FNIP1: variants seen among roughly 807,000 people sequenced by gnomAD.
FNIP1 encodes folliculin interacting protein 1.
In FNIP1, 40 loss-of-function variants were observed where a neutral mutation model predicts 124.5. The observed-to-expected ratio is 0.32, with a 90% confidence interval of 0.25 to 0.42. FNIP1 has a LOEUF of 0.42. Among genes scored for constraint, FNIP1 ranks in the 10% least tolerant of loss-of-function variants. The pLI is 1.00. For missense variants in FNIP1, 1,176 were observed against 1,403.7 expected (o/e 0.84, Z 2.59); for synonymous variants, 472 against 470.6 (o/e 1.00, Z -0.04).
chr5:131,670,667 G>A, intron 14 of FNIP1, 36 bp from the exon 15 acceptor site: 1 of 1,401,856 alleles, frequency 7.1e-7, no homozygotes, highest in South Asian at 1.4e-5. Flanking sequence ...CATTTATTTA[G>A]TAATAAATAT....
At chr5:131,654,292 T>C (rs1561638441) in intron 15 of FNIP1, among the ~76,000 whole-genome samples, 1 of 152,216 alleles carries the variant, frequency 6.6e-6, no homozygotes, top group African/African-American at 2.4e-5. Flanking sequence ...GATTTTTTTT[T>C]ACTACTGGCC....
At chr5:131,793,035 T>C (rs1245721307) in intron 1 of FNIP1, among the ~76,000 whole-genome samples, 2 of 152,138 alleles carry the variant, frequency 1.3e-5, no homozygotes, top group African/African-American at 4.8e-5. Flanking sequence ...TTTAAAACAA[T>C]CTTTTTTTTT....
At chr5:131,721,809 G>A (rs1211425222) in intron 3 of FNIP1, among the ~76,000 whole-genome samples, 2 of 152,080 alleles carry the variant, frequency 1.3e-5, no homozygotes, top group African/African-American at 4.8e-5. Context: ...ACATTATAAT[G>A]TCTTGTTTCC....
chr5:131,728,313 C>G (rs1170150897), intron 3 of FNIP1, among the ~76,000 whole-genome samples: 2 of 152,164 alleles, frequency 1.3e-5, no homozygotes, highest in East Asian at 1.9e-4. Context: ...TTTAGGTACA[C>G]CAATCAAACA....
intron 1 of FNIP1, among the ~76,000 whole-genome samples, chr5:131,748,712 A>G (rs1443214060): frequency 4.0e-5 from 6 of 149,970 alleles, no homozygotes; most frequent in East Asian, 1.9e-4. Context: ...AAAAAAAGAA[A>G]AAAAAAAAAA....
chr5:131,700,739 T>TAA (rs1247478537), intron 10 of FNIP1, among the ~76,000 whole-genome samples: 2 of 147,962 alleles, frequency 1.4e-5, no homozygotes, highest in African/African-American at 4.9e-5. Context: ...AGCTTTTATT[T>TAA]AAAAAAAAAA....
chr5:131,703,831 C>T (rs1216375628), intron 10 of FNIP1, among the ~76,000 whole-genome samples: 1 of 152,124 alleles, frequency 6.6e-6, no homozygotes, highest in East Asian at 1.9e-4. Context: ...ACGGTGTCTA[C>T]CACATTTTAG....
At chr5:131,686,229 T>C (rs890278456) in intron 11 of FNIP1, among the ~76,000 whole-genome samples, 1 of 152,270 alleles carries the variant, frequency 6.6e-6, no homozygotes, top group African/African-American at 2.4e-5. Context: ...TCTCAAATGC[T>C]GACTCTGACA....
At chr5:131,709,299 T>TATAA in intron 7 of FNIP1, 27 bp from the exon 8 acceptor site, 1 of 1,582,282 alleles carries the variant, frequency 6.3e-7, no homozygotes, top group Non-Finnish European at 8.7e-7. Flanking sequence ...AACTGTCAGT[T>TATAA]ATAAAATATA....
chr5:131,745,922 G>A (rs1304405218), intron 1 of FNIP1, among the ~76,000 whole-genome samples: 2 of 152,206 alleles, frequency 1.3e-5, no homozygotes, highest in Admixed American at 1.3e-4. Context: ...AATTTTCTAG[G>A]AGTAAGGTGG....
intron 3 of FNIP1, among the ~76,000 whole-genome samples, chr5:131,729,070 G>C (rs1454561851): frequency 1.3e-5 from 2 of 152,018 alleles, no homozygotes; most frequent in East Asian, 3.9e-4. Flanking sequence ...CATTCCAGAG[G>C]AGCCCCTGCC....
At chr5:131,663,462 T>G (rs1027448279) in intron 15 of FNIP1, among the ~76,000 whole-genome samples, 2 of 152,202 alleles carry the variant, frequency 1.3e-5, no homozygotes, top group Non-Finnish European at 2.9e-5. Context: ...TCAAACATTG[T>G]CAGAAAAATG....
intron 1 of FNIP1, among the ~76,000 whole-genome samples, chr5:131,752,135 T>A (rs1414664398): frequency 6.6e-6 from 1 of 152,038 alleles, no homozygotes; most frequent in African/African-American, 2.4e-5. Context: ...GCTCCGCCTC[T>A]CCGGTTCGCG....
At chr5:131,696,774 TTCTC>T (rs575995178) in intron 11 of FNIP1, among the ~76,000 whole-genome samples, 12 of 152,198 alleles carry the variant, frequency 7.9e-5, no homozygotes, top group African/African-American at 1.9e-4. Context: ...TGAAATTAAA[TTCTC>T]TCTGTTTTTC....
In FNIP1 at chr5:131,706,455, T is replaced by C. The variant is rs199890268; in HGVS notation, c.870A>G (p.Arg290=). The change falls in exon 9 of 18, where the codon CGA becomes CGG. Residue 290 remains arginine (R), a synonymous_variant. Coordinates refer to ENST00000510461, the MANE Select transcript of FNIP1 (RefSeq NM_133372.3). The part of the protein sequence containing the change: ...SCASSYQRRW[R]RSQTTSLENG... ...TTTCCAAACTTGTTGTTTGGCTGCGTCGCCAACGTCGCTGGTAGCTGCTGG... is the reference window on the plus strand; with the variant it reads ...TTTCCAAACTTGTTGTTTGGCTGCGCCGCCAACGTCGCTGGTAGCTGCTGG... The C allele has an allele frequency of 2.3e-5, 37 of 1,613,404 alleles. No individual in the cohort carries two copies. The highest frequency in any genetic ancestry group is 6.7e-5 in the Admixed American group (4 of 59,896).
At chr5:131,737,936 A>G (rs768190089) in intron 2 of FNIP1, among the ~76,000 whole-genome samples, 13 of 152,286 alleles carry the variant, frequency 8.5e-5, no homozygotes, top group East Asian at 3.9e-4. Context: ...GTGCAAGACA[A>G]TTTTTCTGCA....
chr5:131,791,675 G>C (rs1021773516), intron 1 of FNIP1, among the ~76,000 whole-genome samples: 1 of 152,158 alleles, frequency 6.6e-6, no homozygotes, highest in Non-Finnish European at 1.5e-5. Flanking sequence ...GGCTGTTATA[G>C]AATAAAATTT....
intron 15 of FNIP1, among the ~76,000 whole-genome samples, chr5:131,655,771 AG>A (rs1767173622): frequency 7.0e-6 from 1 of 142,442 alleles, no homozygotes; most frequent in Non-Finnish European, 1.6e-5. Flanking sequence ...AAAAAAAATT[AG>A]TTAGGCATGG....
rs570380339 is a variant in FNIP1, at chr5:131,709,390, C to A, written c.707-118G>T. On this transcript the variant is annotated intron_variant, in intron 7 of 17. Transcript: ENST00000510461. ...TCTCATTGCATTCCCTTATTTTTTT[C>A]AATAGCATGGCACCAACCCAACACC... 6.2e-5 allele frequency: 50 copies of A among 812,304 alleles called. No homozygotes were observed. The East Asian group carries it at 1.1e-3, about 17-fold the overall frequency. The allele number at this position is 812,304 out of a possible 1,614,324, so 50.3% of individuals were successfully genotyped here.
Sources: allele counts gnomAD v4.1 joint callset (sites outside exome capture counted in the v4.1 genomes callset), GRCh38; gene constraint gnomAD v4.1.1; transcripts MANE v1.5; gene names NCBI Gene and HGNC (gene_info 2026-07-23, HGNC 2026-07-21).